Variants in PRKG1 observed in about 807,000 individuals in gnomAD.
PRKG1 encodes the protein protein kinase cGMP-dependent 1, also known as cGMP-dependent protein kinase 1.
PRKG1 carries 35 observed loss-of-function variants against 88.1 expected under a neutral mutation model. The observed-to-expected ratio is 0.40, with a 90% CI of 0.30 to 0.53. The LOEUF (loss-of-function observed/expected upper bound fraction) is 0.53, where lower values mean the gene tolerates loss of function less well. Ranked by LOEUF, PRKG1 falls within the 20% of genes least tolerant of loss-of-function variation. PRKG1 has a pLI of 0.59. For synonymous variants in PRKG1, 303 were observed against 292.5 expected (o/e 1.04, Z -0.37); for missense variants, 540 against 839.8 (o/e 0.64, Z 4.41).
At chr10:52,255,787 G>T (rs1841293168) in intron 10 of PRKG1, among the ~76,000 whole-genome samples, 1 of 151,944 alleles carries the variant, frequency 6.6e-6, no homozygotes, top group South Asian at 2.1e-4. Context: ...ATCAACATAA[G>T]TAACCTGATG....
intron 14 of PRKG1, 130 bp downstream of exon 14, chr10:52,282,446 T>C: frequency 1.1e-6 from 1 of 930,272 alleles, no homozygotes; most frequent in Non-Finnish European, 1.5e-6. Flanking sequence ...GTTTAATTAG[T>C]TATACAGATG....
At chr10:51,887,698 A>G (rs113424171) in intron 4 of PRKG1, among the ~76,000 whole-genome samples, 98 of 152,302 alleles carry the variant, frequency 6.4e-4, no homozygotes, top group African/African-American at 2.2e-3. Context: ...ACTTTTTCGT[A>G]TACCTACCGG....
intron 4 of PRKG1, among the ~76,000 whole-genome samples, chr10:51,842,629 A>T (rs964611387): frequency 6.6e-6 from 1 of 152,168 alleles, no homozygotes; most frequent in African/African-American, 2.4e-5. Flanking sequence ...TCATTTTGAT[A>T]TTGCCACTAG....
At chr10:52,201,137 G>A (rs1839655632) in intron 9 of PRKG1, among the ~76,000 whole-genome samples, 1 of 152,088 alleles carries the variant, frequency 6.6e-6, no homozygotes, top group Non-Finnish European at 1.5e-5. Context: ...CAGTGCCTAT[G>A]TCCAGAATGG....
At chr10:51,977,010 G>T (rs1055265633) in intron 5 of PRKG1, among the ~76,000 whole-genome samples, 1 of 151,934 alleles carries the variant, frequency 6.6e-6, no homozygotes, top group Non-Finnish European at 1.5e-5. Context: ...CACATGTACA[G>T]GTTTGTTAGA....
intron 4 of PRKG1, among the ~76,000 whole-genome samples, chr10:51,853,065 T>C (rs986326731): frequency 7.9e-5 from 12 of 152,164 alleles, no homozygotes; most frequent in African/African-American, 2.9e-4. Context: ...ATTTATGTTT[T>C]ATAGATGATT....
intron 3 of PRKG1, among the ~76,000 whole-genome samples, chr10:51,570,659 C>T (rs1030153193): frequency 6.0e-5 from 9 of 151,092 alleles, no homozygotes; most frequent in African/African-American, 2.2e-4. Context: ...TTTGACCTGT[C>T]GAATTTTCTC....
chr10:52,223,047 C>A (rs1048330608), intron 9 of PRKG1, among the ~76,000 whole-genome samples: 4 of 152,104 alleles, frequency 2.6e-5, no homozygotes, highest in African/African-American at 4.8e-5. Flanking sequence ...CAGGGCATCA[C>A]CCTAGAAATT....
At chr10:51,102,945 A>G (rs149813998) in intron 1 of PRKG1, among the ~76,000 whole-genome samples, 1 of 152,188 alleles carries the variant, frequency 6.6e-6, no homozygotes, top group Non-Finnish European at 1.5e-5. Flanking sequence ...CTTCAGACAG[A>G]TAAGAGAAAA....
At chr10:51,667,592 G>T (rs1334326586) in intron 3 of PRKG1, among the ~76,000 whole-genome samples, 1 of 152,082 alleles carries the variant, frequency 6.6e-6, no homozygotes, top group East Asian at 1.9e-4. Context: ...TTTTTTAAAG[G>T]GTTCCGGGGA....
chr10:51,445,096 T>C (rs1839232639), intron 2 of PRKG1, among the ~76,000 whole-genome samples: 1 of 151,938 alleles, frequency 6.6e-6, no homozygotes, highest in Admixed American at 6.6e-5. Context: ...GCACTTGATA[T>C]GTGGTTAGTG....
intron 3 of PRKG1, among the ~76,000 whole-genome samples, chr10:51,683,520 T>A (rs549320169): frequency 6.6e-6 from 1 of 152,172 alleles, no homozygotes; most frequent in Non-Finnish European, 1.5e-5. Flanking sequence ...GGCAGGGAGA[T>A]AGAAGGAAGC....
At chr10:51,415,184 T>A (rs1458648962) in intron 2 of PRKG1, among the ~76,000 whole-genome samples, 1 of 152,230 alleles carries the variant, frequency 6.6e-6, no homozygotes, top group East Asian at 1.9e-4. Flanking sequence ...CTCTCTGCAG[T>A]AGCATCCGTT....
At chr10:51,224,150 C>T (rs1318709789) in intron 2 of PRKG1, among the ~76,000 whole-genome samples, 1 of 152,144 alleles carries the variant, frequency 6.6e-6, no homozygotes, top group Non-Finnish European at 1.5e-5. Context: ...CCTGCCATTG[C>T]CTTCATCTAG....
rs143167579 is a variant in PRKG1, at chr10:51,361,052, G to C, written c.479-106671G>C. On this transcript the variant is annotated intron_variant, in intron 2 of 17. Coordinates refer to ENST00000373980, the MANE Select transcript of PRKG1 (RefSeq NM_006258.4). ...TTAAGGGCACTTATCAGTATTCTCAGCTCCAGTAAAAAGGAATAGTCTTTT... is the reference window on the plus strand; with the variant it reads ...TTAAGGGCACTTATCAGTATTCTCACCTCCAGTAAAAAGGAATAGTCTTTT... Among the ~76,000 whole-genome samples the C allele has an allele frequency of 5.9e-5, 9 of 151,892 alleles. No individual in the cohort carries two copies. The South Asian group carries it at 1.9e-3, about 32-fold the overall frequency.
At chr10:51,388,297 T>G (rs573431754) in intron 2 of PRKG1, among the ~76,000 whole-genome samples, 1 of 152,298 alleles carries the variant, frequency 6.6e-6, no homozygotes, top group Non-Finnish European at 1.5e-5. Flanking sequence ...ACTCTCTTAC[T>G]TCTGAGGTAA....
At chr10:51,482,193 T>C (rs1050975332) in intron 3 of PRKG1, among the ~76,000 whole-genome samples, 6 of 152,302 alleles carry the variant, frequency 3.9e-5, no homozygotes, top group Non-Finnish European at 8.8e-5. Context: ...GCAAGAGGCA[T>C]GGACTTTAAA....
intron 3 of PRKG1, among the ~76,000 whole-genome samples, chr10:51,480,442 G>A (rs546232839): frequency 6.6e-6 from 1 of 152,026 alleles, no homozygotes; most frequent in Admixed American, 6.6e-5. Context: ...CTTATACGTT[G>A]GGCTCGTAAT....
chr10:52,062,907 A>G, intron 7 of PRKG1: 1 of 666,476 alleles, frequency 1.5e-6, no homozygotes, highest in South Asian at 1.7e-5. Flanking sequence ...CTCTATAACA[A>G]CTTCAAAGAG....
Sources: gnomAD v4.1 joint callset for allele counts (sites outside exome capture counted in the v4.1 genomes callset) on GRCh38, gnomAD v4.1.1 for gene constraint, MANE v1.5 for transcripts, NCBI Gene and HGNC (gene_info 2026-07-23, HGNC 2026-07-21) for gene names.